The following CTNNA3 variants were observed in gnomAD, a reference collection of about 807,000 sequenced individuals.
CTNNA3 encodes catenin alpha 3, also known as catenin alpha-3.
A neutral mutation model predicts 95.7 loss-of-function variants in CTNNA3; 76 were observed. The ratio of observed to expected loss-of-function variants is 0.79; its 90% CI spans 0.66 to 0.96. The LOEUF (loss-of-function observed/expected upper bound fraction) is 0.96. Ranked by LOEUF, CTNNA3 falls within the 40% of genes least tolerant of loss-of-function variation. The pLI is 0.00. For synonymous variants in CTNNA3, 431 were observed against 374.4 expected, an observed-to-expected ratio of 1.15 and a Z score of -1.74; for missense variants, 1,191 against 1,089.8, an observed-to-expected ratio of 1.09 and a Z score of -1.31.
chr10:65,970,990 T>C (rs1903878), intron 16 of CTNNA3, among the ~76,000 whole-genome samples: 6,140 of 142,654 alleles, frequency 0.043, 137 homozygotes, highest in Middle Eastern at 0.1. Flanking sequence ...AAACCTCTCT[T>C]TTTTTTTTTT....
intron 7 of CTNNA3, among the ~76,000 whole-genome samples, chr10:66,829,451 A>G (rs1352383464): frequency 5.3e-5 from 8 of 151,912 alleles, no homozygotes; most frequent in Non-Finnish European, 8.8e-5. Flanking sequence ...TCTCTTTACT[A>G]AAAGTACAAA....
chr10:67,508,568 A>G (rs76056749), intron 5 of CTNNA3, among the ~76,000 whole-genome samples: 26 of 152,188 alleles, frequency 1.7e-4, no homozygotes, highest in Admixed American at 1.7e-3. Flanking sequence ...TAAGAAAACA[A>G]AGGGGAAATG....
At chr10:66,498,579 T>G (rs1420702368) in intron 11 of CTNNA3, among the ~76,000 whole-genome samples, 1 of 152,182 alleles carries the variant, frequency 6.6e-6, no homozygotes. Flanking sequence ...CAGAAAATTT[T>G]GAGTTCAGTG....
intron 5 of CTNNA3, among the ~76,000 whole-genome samples, chr10:67,419,451 C>T (rs1013830): frequency 0.079 from 12,028 of 152,036 alleles, 565 homozygotes; most frequent in African/African-American, 0.12. Context: ...GGAGCATGGA[C>T]CTCGTCACCC....
chr10:67,733,315 A>C (rs1438886245), intron 1 of CTNNA3, among the ~76,000 whole-genome samples: 1 of 152,220 alleles, frequency 6.6e-6, no homozygotes, highest in Non-Finnish European at 1.5e-5. Flanking sequence ...GGTTTTGCCC[A>C]AAAGGGTTCC....
intron 10 of CTNNA3, among the ~76,000 whole-genome samples, chr10:66,560,198 A>G (rs1842510098): frequency 6.6e-6 from 1 of 152,118 alleles, no homozygotes; most frequent in Non-Finnish European, 1.5e-5. Flanking sequence ...TCCATCTTCT[A>G]AGCAAAACAC....
chr10:67,058,347 G>T (rs1317666866), intron 7 of CTNNA3, among the ~76,000 whole-genome samples: 1 of 152,150 alleles, frequency 6.6e-6, no homozygotes, highest in Non-Finnish European at 1.5e-5. Context: ...ATTGTTTTAT[G>T]TATTACATTG....
At chr10:66,678,947 C>T (rs1302658306) in intron 9 of CTNNA3, among the ~76,000 whole-genome samples, 2 of 152,062 alleles carry the variant, frequency 1.3e-5, no homozygotes, top group Admixed American at 6.6e-5. Flanking sequence ...AAGGAGGGAC[C>T]ACCAGGTCAT....
intron 5 of CTNNA3, among the ~76,000 whole-genome samples, chr10:67,361,028 AAAG>A (rs1441493241): frequency 2.0e-5 from 3 of 152,160 alleles, no homozygotes; most frequent in African/African-American, 7.2e-5. Context: ...AAAAAAGAAC[AAAG>A]AAGGGTATTA....
intron 5 of CTNNA3, among the ~76,000 whole-genome samples, chr10:67,502,625 C>T (rs925622519): frequency 6.6e-6 from 1 of 152,202 alleles, no homozygotes; most frequent in Non-Finnish European, 1.5e-5. Context: ...TATCTATAAG[C>T]CCCTGACTGG....
chr10:67,632,126 CCACACACACACACACA>C (rs71006156), intron 2 of CTNNA3, among the ~76,000 whole-genome samples: 7 of 138,964 alleles, frequency 5.0e-5, no homozygotes, highest in Non-Finnish European at 9.3e-5. Flanking sequence ...AGTGTCTTAG[CCACACACACACACACA>C]CACACACACA....
At chr10:66,719,347 C>A (rs1299667464) in intron 9 of CTNNA3, among the ~76,000 whole-genome samples, 1 of 152,098 alleles carries the variant, frequency 6.6e-6, no homozygotes, top group Non-Finnish European at 1.5e-5. Flanking sequence ...CTGTCTGTGC[C>A]ATTATGACCA....
In CTNNA3 at chr10:65,920,481, A is replaced by T; in HGVS notation, c.2537T>A (p.Val846Glu). 6.2e-7 allele frequency: 1 copy of T among 1,613,968 alleles called. No individual in the cohort carries two copies. The change falls in exon 18 of 18, where the codon GTG becomes GAG. Residue 846 changes from valine (V) to glutamate (E), a missense_variant. Transcript: ENST00000433211. Reference sequence around the variant, plus strand: ...TGCAGGAGCCTTCATTCTCCACATCACAACTGGGTGCCGGGGCCCAGCAGG... The same window carrying T: ...TGCAGGAGCCTTCATTCTCCACATCTCAACTGGGTGCCGGGGCCCAGCAGG... Reference protein sequence around the residue: ...QSPAGPRHPVVMWRMKAPAKK... With the variant: ...QSPAGPRHPVEMWRMKAPAKK...
At chr10:67,116,649 G>A (rs909457468) in intron 7 of CTNNA3, among the ~76,000 whole-genome samples, 11 of 150,782 alleles carry the variant, frequency 7.3e-5, no homozygotes, top group South Asian at 2.1e-4. Context: ...GAACAACTCA[G>A]TTTATTTAGA....
chr10:66,931,354 GTAGT>G (rs1424776197), intron 7 of CTNNA3, among the ~76,000 whole-genome samples: 1 of 152,162 alleles, frequency 6.6e-6, no homozygotes, highest in African/African-American at 2.4e-5. Flanking sequence ...ACCACAGCAT[GTAGT>G]TAAATAGTCC....
At chr10:67,693,682 C>T (rs1478360231) in intron 1 of CTNNA3, among the ~76,000 whole-genome samples, 2 of 152,178 alleles carry the variant, frequency 1.3e-5, no homozygotes. Context: ...AACTCTACCT[C>T]TCACTTCACA....
chr10:67,652,529 A>T (rs1839904800), intron 1 of CTNNA3, among the ~76,000 whole-genome samples: 3 of 152,190 alleles, frequency 2.0e-5, no homozygotes, highest in Admixed American at 6.5e-5. Flanking sequence ...ATTAGGTAAT[A>T]CAAGGTTTAA....
chr10:67,694,397 AG>A (rs1840925316), intron 1 of CTNNA3, among the ~76,000 whole-genome samples: 2 of 152,136 alleles, frequency 1.3e-5, no homozygotes, highest in Non-Finnish European at 2.9e-5. Flanking sequence ...ATGCTTTAAA[AG>A]AATAACAGTA....
At chr10:67,628,967 A>G (rs919997975) in intron 2 of CTNNA3, among the ~76,000 whole-genome samples, 1 of 152,032 alleles carries the variant, frequency 6.6e-6, no homozygotes, top group East Asian at 1.9e-4. Context: ...CTGAAACTGT[A>G]TAAGTGAATC....
Sources: allele counts gnomAD v4.1 joint callset (sites outside exome capture counted in the v4.1 genomes callset), GRCh38; gene constraint gnomAD v4.1.1; transcripts MANE v1.5; gene names NCBI Gene and HGNC (gene_info 2026-07-23, HGNC 2026-07-21).